The following ABCC4 variants were observed in gnomAD, a reference collection of about 807,000 sequenced individuals.
ABCC4 encodes the protein ATP-binding cassette sub-family C member 4.
Under a neutral mutation model 168.5 loss-of-function variants are expected in ABCC4, and 102 were observed. That is an observed-to-expected ratio of 0.61 (90% CI 0.52 to 0.71). The LOEUF is 0.71. Among genes scored for constraint, ABCC4 ranks in the 30% least tolerant of loss-of-function variants. The probability of loss-of-function intolerance (pLI) is 0.00; values close to 1 mark genes in which losing one functional copy is unlikely to be tolerated. For missense variants in ABCC4, 1,402 were observed against 1,605.8 expected, an observed-to-expected ratio of 0.87 and a Z score of 2.17; for synonymous variants, 617 against 590.7, an observed-to-expected ratio of 1.04 and a Z score of -0.65.
In ABCC4 at chr13:95,071,668, T is replaced by C. The variant is rs919332091; in HGVS notation, c.3204A>G (p.Gln1068=). ...LKHLTALIKS[Q]EKVGIVGRTG... ...CAAGATGCTTTAAACAAACCTTTTC[T>C]TGTGATTTAATGAGTGCTGTCAGAT... Residue 1068 remains glutamine (Q), a synonymous_variant, in exon 25 of 31, where the codon CAA becomes CAG. Transcript: ENST00000645237. 2.1e-6 allele frequency: 3 copies of C among 1,436,456 alleles called. No homozygotes were observed. The highest frequency in any genetic ancestry group is 9.2e-7 in the Non-Finnish European group (1 of 1,090,210). 89.0% of individuals were successfully genotyped at this position (1,436,456 alleles called of 1,614,324 possible).
chr13:95,246,418 C>T (rs4148438), intron 3 of ABCC4, among the ~76,000 whole-genome samples: 42,254 of 152,160 alleles, frequency 0.28, 7,193 homozygotes, highest in Non-Finnish European at 0.37. Flanking sequence ...GGGGCACCAC[C>T]GCCAGCCCAG....
chr13:95,024,209 A>AAC (rs370224734), intron 30 of ABCC4, among the ~76,000 whole-genome samples: 1,090 of 44,240 alleles, frequency 0.025, 9 homozygotes, highest in African/African-American at 0.03. Context: ...ACTGTCTCAA[A>AAC]AAAAAAAAAA....
chr13:95,083,796 T>G (rs2034176538), intron 20 of ABCC4, among the ~76,000 whole-genome samples: 2 of 152,156 alleles, frequency 1.3e-5, no homozygotes, highest in African/African-American at 4.8e-5. Context: ...GTGCTGGAAT[T>G]ATGAGCGTGA....
intron 19 of ABCC4, among the ~76,000 whole-genome samples, chr13:95,137,076 C>A (rs779866504): frequency 2.0e-4 from 31 of 152,234 alleles, no homozygotes; most frequent in Non-Finnish European, 4.3e-4. Context: ...TCAAGGTTGT[C>A]ACTTCACACA....
At chr13:95,192,895 G>A (rs889521451) in intron 9 of ABCC4, among the ~76,000 whole-genome samples, 1 of 152,110 alleles carries the variant, frequency 6.6e-6, no homozygotes, top group Non-Finnish European at 1.5e-5. Flanking sequence ...CTCCAGCCTA[G>A]GCAAAAGAGC....
At chr13:95,082,715 T>C (rs2034135756) in intron 21 of ABCC4, among the ~76,000 whole-genome samples, 1 of 152,228 alleles carries the variant, frequency 6.6e-6, no homozygotes, top group Non-Finnish European at 1.5e-5. Flanking sequence ...CTTGTCATTT[T>C]TAGTATCTTC....
Position 95,034,692 on chromosome 13 carries a change from C to G in ABCC4, c.3783G>C (p.Leu1261Phe). ...AAAATAGGCTCTCTTTATTTTGCAGCAAAACATACGGCTCATCATATTCTT... is the reference window on the plus strand; with the variant it reads ...AAAATAGGCTCTCTTTATTTTGCAGGAAAACATACGGCTCATCATATTCTT... Reference protein sequence around the residue: ...RLKEYDEPYVLLQNKESLFYK... With the variant: ...RLKEYDEPYVFLQNKESLFYK... Residue 1261 changes from leucine to phenylalanine, a missense_variant, in exon 30 of 31, where the codon TTG becomes TTC. Coordinates refer to ENST00000645237, the MANE Select transcript of ABCC4 (RefSeq NM_005845.5). The G allele has an allele frequency of 6.2e-7, 1 of 1,614,220 alleles. No individual in the cohort carries two copies.
intron 1 of ABCC4, among the ~76,000 whole-genome samples, chr13:95,252,714 GA>G (rs1307641806): frequency 1.3e-5 from 2 of 151,904 alleles, no homozygotes; most frequent in African/African-American, 4.8e-5. Context: ...GTGTAAGTAG[GA>G]AAAAAAATCA....
chr13:95,196,689 GAA>G, intron 8 of ABCC4, among the ~76,000 whole-genome samples: 3 of 72,702 alleles, frequency 4.1e-5, no homozygotes, highest in East Asian at 3.3e-4. Flanking sequence ...AGGAAGGAAG[GAA>G]GGAAGGAAGG....
intron 23 of ABCC4, among the ~76,000 whole-genome samples, chr13:95,073,812 A>T (rs577733402): frequency 2.0e-5 from 3 of 152,292 alleles, no homozygotes; most frequent in African/African-American, 7.2e-5. Context: ...GGCATTGAAG[A>T]TAATACTCTC....
intron 30 of ABCC4, among the ~76,000 whole-genome samples, chr13:95,029,194 A>ATCTATATCTATATC: frequency 1.1e-5 from 1 of 93,080 alleles, no homozygotes; most frequent in African/African-American, 4.5e-5. Flanking sequence ...ATATATATAT[A>ATCTATATCTATATC]TATATATATA....
rs186157791 is a variant in ABCC4, at chr13:95,062,998, C to A, written c.3211-139G>T. On this transcript the variant is annotated intron_variant, in intron 25 of 30. Coordinates refer to ENST00000645237, the MANE Select transcript of ABCC4 (RefSeq NM_005845.5). ...TGAGTGTAGTCTAAGAGTTTCCCAA[C>A]CTCAGCACTGATGACCTTCTGAGCT... 1,133 of 1,003,766 alleles carry A rather than the reference C, an allele frequency of 1.1e-3. 9 individuals are homozygous for A. The African/African-American group carries it at 0.017, about 15-fold the overall frequency. 62.2% of individuals were successfully genotyped at this position (1,003,766 alleles called of 1,614,324 possible). A position where few individuals can be genotyped will look rare whatever the true frequency, so the allele number is the denominator to read the frequency against.
chr13:95,275,210 G>C (rs959546173), intron 1 of ABCC4, among the ~76,000 whole-genome samples: 1 of 152,220 alleles, frequency 6.6e-6, no homozygotes, highest in South Asian at 2.1e-4. Context: ...ATGGTATGAA[G>C]TTTGGAGAGG....
chr13:95,082,459 G>C (rs745349007), intron 21 of ABCC4, among the ~76,000 whole-genome samples: 1 of 152,154 alleles, frequency 6.6e-6, no homozygotes, highest in Non-Finnish European at 1.5e-5. Flanking sequence ...ATATCTCCTT[G>C]TGATCTAAGG....
intron 20 of ABCC4, among the ~76,000 whole-genome samples, chr13:95,114,603 C>T (rs2035311093): frequency 6.6e-6 from 1 of 152,034 alleles, no homozygotes; most frequent in African/African-American, 2.4e-5. Flanking sequence ...TCCTTGTTTG[C>T]AGTAAAAATA....
chr13:95,237,053 C>T (rs1321437044), intron 3 of ABCC4, among the ~76,000 whole-genome samples: 1 of 152,162 alleles, frequency 6.6e-6, no homozygotes, highest in Non-Finnish European at 1.5e-5. Context: ...GTCACTGTTA[C>T]CTGTTACACG....
intron 1 of ABCC4, among the ~76,000 whole-genome samples, chr13:95,272,049 T>TA (rs2040861090): frequency 3.2e-5 from 2 of 61,806 alleles, no homozygotes; most frequent in South Asian, 3.9e-4. Flanking sequence ...TAAGCACATA[T>TA]TTTTTTTTTT....
chr13:95,244,162 G>A (rs10508018), intron 3 of ABCC4, among the ~76,000 whole-genome samples: 53,034 of 151,920 alleles, frequency 0.35, 9,954 homozygotes, highest in Non-Finnish European at 0.42. Flanking sequence ...ACACCTTTAC[G>A]ACAGTCTGGA....
intron 8 of ABCC4, among the ~76,000 whole-genome samples, chr13:95,200,718 T>TCAAAACAAAA (rs559882439): frequency 6.6e-6 from 1 of 151,984 alleles, no homozygotes; most frequent in African/African-American, 2.4e-5. Flanking sequence ...AGACGCCGTC[T>TCAAAACAAAA]CAAAACAAAA....
Sources: gnomAD v4.1 joint callset for allele counts (sites outside exome capture counted in the v4.1 genomes callset) on GRCh38, gnomAD v4.1.1 for gene constraint, MANE v1.5 for transcripts, NCBI Gene and HGNC (gene_info 2026-07-23, HGNC 2026-07-21) for gene names.